XYLB: variants seen among roughly 807,000 people sequenced by gnomAD.
The protein encoded by XYLB is xylulokinase.
XYLB carries 62 observed loss-of-function variants against 78.7 expected under a neutral mutation model. That is an observed-to-expected ratio of 0.79 (90% CI 0.64 to 0.97). The LOEUF (loss-of-function observed/expected upper bound fraction) is 0.97, where lower values mean the gene tolerates loss of function less well. XYLB is among the 50% of genes least tolerant of loss of function. The pLI, the probability that XYLB is intolerant of heterozygous loss-of-function variation, is 0.00. For synonymous variants in XYLB, 245 were observed against 247.4 expected, an observed-to-expected ratio of 0.99 and a Z score of 0.09; for missense variants, 687 against 676.8, an observed-to-expected ratio of 1.02 and a Z score of -0.17.
chr3:38,383,497 G>C (rs984270605), intron 15 of XYLB, among the ~76,000 whole-genome samples: 1 of 152,200 alleles, frequency 6.6e-6, no homozygotes, highest in Non-Finnish European at 1.5e-5. Context: ...GAAAAATAAA[G>C]AAAATGGGCC....
chr3:38,386,341 A>AG (rs1707382561), intron 15 of XYLB, among the ~76,000 whole-genome samples: 3 of 152,200 alleles, frequency 2.0e-5, no homozygotes, highest in African/African-American at 7.2e-5. Context: ...AGAAGGAAGA[A>AG]GAAAAAAGAA....
the XYLB span, among the ~76,000 whole-genome samples, chr3:38,445,736 G>A: frequency 6.6e-6 from 1 of 152,192 alleles, no homozygotes; most frequent in Non-Finnish European, 1.5e-5. Flanking sequence ...AAGAGTCAGG[G>A]TTTGTTAGAG....
At chr3:38,400,557 C>A (rs1708079060) in intron 17 of XYLB, among the ~76,000 whole-genome samples, 1 of 152,144 alleles carries the variant, frequency 6.6e-6, no homozygotes, top group South Asian at 2.1e-4. Flanking sequence ...GGCAGGCAGA[C>A]CCTTCCCCAT....
At chr3:38,367,069 A>T (rs1104096) in intron 7 of XYLB, among the ~76,000 whole-genome samples, 196 bp downstream of exon 7, 123,101 of 152,038 alleles carry the variant, frequency 0.81, 52,660 homozygotes, top group Non-Finnish European at 0.94. Flanking sequence ...GGGAAAGAGA[A>T]GTCAGGGGTT....
At chr3:38,371,833 G>A (rs1477513146) in intron 9 of XYLB, among the ~76,000 whole-genome samples, 1 of 152,236 alleles carries the variant, frequency 6.6e-6, no homozygotes, top group Non-Finnish European at 1.5e-5. Context: ...CCCTGTGGAA[G>A]CTGACAGCAC....
Position 38,362,487 on chromosome 3 carries a change from C to T in XYLB, c.211-450C>T, listed in dbSNP as rs192495143. Among the ~76,000 whole-genome samples the T allele has an allele frequency of 5.1e-4, 78 of 152,278 alleles. 1 individual carries two copies. The South Asian group carries it at 0.012, about 23-fold the overall frequency. ...TCCTGAGCTCAAGTGATCCTCCTGC[C>T]TTGGCCTCCAAAAGTGCTGGGATTA... On this transcript the variant is annotated intron_variant, in intron 3 of 18. Coordinates refer to ENST00000207870, the MANE Select transcript of XYLB (RefSeq NM_005108.4).
chr3:38,423,704 A>G (rs568202959), downstream of XYLB, among the ~76,000 whole-genome samples: 49 of 152,270 alleles, frequency 3.2e-4, no homozygotes, highest in African/African-American at 1.0e-3. Flanking sequence ...AATTGAACCT[A>G]CTCGTAAAAA....
Position 38,376,970 on chromosome 3 carries a change from G to A in XYLB, c.1173G>A (p.Arg391=), listed in dbSNP as rs751284361. The part of the protein sequence containing the change: ...EITPEIIGRH[R]FNTENHKVAA... ...CCCCTGAAATTATTGGACGTCATAG[G>A]TTTAACACAGAAAACCACAAGGTAC... Residue 391 remains arginine, a synonymous_variant, in exon 14 of 19, where the codon AGG becomes AGA. Transcript: ENST00000207870. The A allele has an allele frequency of 4.3e-6, 7 of 1,614,020 alleles. No homozygotes were observed. The highest frequency in any genetic ancestry group is 1.1e-5 in the South Asian group (1 of 91,074).
At chr3:38,354,148 A>T (rs1705516026) in intron 2 of XYLB, among the ~76,000 whole-genome samples, 1 of 151,622 alleles carries the variant, frequency 6.6e-6, no homozygotes, top group Non-Finnish European at 1.5e-5. Context: ...ATCTCGGCTC[A>T]CTGCAACCTC....
chr3:38,369,172 G>A (rs1410971348), intron 8 of XYLB, among the ~76,000 whole-genome samples: 1 of 152,172 alleles, frequency 6.6e-6, no homozygotes, highest in Non-Finnish European at 1.5e-5. Flanking sequence ...GCTGTTGTAT[G>A]CCAGGCTTTA....
chr3:38,429,075 G>C, the XYLB span, among the ~76,000 whole-genome samples: 1 of 152,176 alleles, frequency 6.6e-6, no homozygotes, highest in Non-Finnish European at 1.5e-5. Flanking sequence ...CCTTCCCAAG[G>C]TGGCTAACAT....
downstream of XYLB, among the ~76,000 whole-genome samples, chr3:38,419,677 G>A (rs545398175): frequency 1.1e-4 from 16 of 145,946 alleles, no homozygotes; most frequent in African/African-American, 4.0e-4. Context: ...GACTAGTGAT[G>A]TTAAGCACTT....
the XYLB span, among the ~76,000 whole-genome samples, chr3:38,444,134 T>TG: frequency 6.6e-6 from 1 of 152,214 alleles, no homozygotes; most frequent in African/African-American, 2.4e-5. Flanking sequence ...TCTCTCCAAG[T>TG]GGGGTCAAAG....
intron 2 of XYLB, among the ~76,000 whole-genome samples, chr3:38,355,097 T>C (rs1705578139): frequency 6.6e-6 from 1 of 152,228 alleles, no homozygotes; most frequent in Admixed American, 6.5e-5. Context: ...TTGATTTGCT[T>C]TATCCAGTAG....
chr3:38,386,525 T>A (rs911557927), intron 15 of XYLB, among the ~76,000 whole-genome samples: 7 of 152,174 alleles, frequency 4.6e-5, no homozygotes, highest in Admixed American at 3.9e-4. Context: ...TTTTCTTTTG[T>A]TCTATATGTT....
chr3:38,403,674 T>G (rs2126534), intron 18 of XYLB, among the ~76,000 whole-genome samples: 64,148 of 151,938 alleles, frequency 0.42, 15,767 homozygotes, highest in Non-Finnish European at 0.56. Context: ...TGTAGGAAAG[T>G]CTAGGGTAGG....
chr3:38,368,351 C>T, intron 8 of XYLB, 94 bp downstream of exon 8: 1 of 1,113,854 alleles, frequency 9.0e-7, no homozygotes, highest in Non-Finnish European at 1.4e-6. Context: ...CGAGTGGGTG[C>T]CAATCTTGTA....
the XYLB span, among the ~76,000 whole-genome samples, chr3:38,442,207 A>G: frequency 1.3e-5 from 2 of 152,130 alleles, no homozygotes; most frequent in African/African-American, 4.8e-5. Flanking sequence ...AGGCCTAGCT[A>G]TTTGACTTGT....
chr3:38,431,936 A>T, the XYLB span, among the ~76,000 whole-genome samples: 6 of 152,218 alleles, frequency 3.9e-5, no homozygotes, highest in Middle Eastern at 3.4e-3. Context: ...ACACATGAGG[A>T]TTGTTATAAT....
Sources: allele counts gnomAD v4.1 joint callset (sites outside exome capture counted in the v4.1 genomes callset), GRCh38; gene constraint gnomAD v4.1.1; transcripts MANE v1.5; gene names NCBI Gene and HGNC (gene_info 2026-07-23, HGNC 2026-07-21).